Variants in TMC2 observed in about 807,000 individuals in gnomAD.
The protein encoded by TMC2 is transmembrane channel like 2.
TMC2 carries 102 observed loss-of-function variants against 105.9 expected under a neutral mutation model. The observed-to-expected ratio is 0.96, with a 90% CI of 0.82 to 1.14. The LOEUF (loss-of-function observed/expected upper bound fraction) is 1.14, where lower values mean the gene tolerates loss of function less well. TMC2 is among the 50% of genes most tolerant of loss of function. The pLI is 0.00. For missense variants in TMC2, 1,093 were observed against 1,134.3 expected, an observed-to-expected ratio of 0.96 and a Z score of 0.52; for synonymous variants, 402 against 422.8, an observed-to-expected ratio of 0.95 and a Z score of 0.60.
Position 2,641,480 on chromosome 20 carries a change from A to T in TMC2, c.*129A>T. 1.6e-6 allele frequency: 1 copy of T among 630,648 alleles called. No homozygotes were observed. The allele number at this position is 630,648 out of a possible 1,614,324, so 39.1% of individuals were successfully genotyped here. A position where few individuals can be genotyped will look rare whatever the true frequency, so the allele number is the denominator to read the frequency against. On this transcript the variant is annotated 3_prime_UTR_variant, in exon 20 of 20. Transcript: ENST00000358864. ...TGCTCTGTCTCCTCTCTTGGAATGCATGAACTTTGATTCCTTCAGGCCCTT... is the reference window on the plus strand; with the variant it reads ...TGCTCTGTCTCCTCTCTTGGAATGCTTGAACTTTGATTCCTTCAGGCCCTT...
chr20:2,589,206 G>C (rs766416152), intron 7 of TMC2, among the ~76,000 whole-genome samples: 2 of 150,292 alleles, frequency 1.3e-5, no homozygotes, highest in African/African-American at 2.5e-5. Flanking sequence ...TTTACTTTCT[G>C]AGTAAAATCT....
chr20:2,636,357 G>A (rs1022585), intron 18 of TMC2, among the ~76,000 whole-genome samples: 113,919 of 151,872 alleles, frequency 0.75, 42,882 homozygotes, highest in East Asian at 0.87. Flanking sequence ...TCAAAATCAC[G>A]TATTTCTTGT....
chr20:2,543,035 G>T (rs543029628), intron 2 of TMC2, among the ~76,000 whole-genome samples: 1,631 of 152,100 alleles, frequency 0.011, 25 homozygotes, highest in African/African-American at 0.037. Context: ...TCAGGAGTTT[G>T]AGACCAGCCT....
At chr20:2,634,571 A>T (rs762232366) in intron 17 of TMC2, among the ~76,000 whole-genome samples, 3 of 152,202 alleles carry the variant, frequency 2.0e-5, no homozygotes, top group Non-Finnish European at 4.4e-5. Context: ...CCAGACACCA[A>T]ACCTGACCCT....
At chr20:2,551,406 T>A (rs919468745) in intron 2 of TMC2, among the ~76,000 whole-genome samples, 4 of 151,918 alleles carry the variant, frequency 2.6e-5, no homozygotes, top group Non-Finnish European at 5.9e-5. Flanking sequence ...TGTGGGTTTT[T>A]TTTTTTAATT....
intron 3 of TMC2, among the ~76,000 whole-genome samples, chr20:2,560,231 G>A (rs1462377923): frequency 6.6e-6 from 1 of 151,312 alleles, no homozygotes; most frequent in Non-Finnish European, 1.5e-5. Context: ...AGACTCAAAG[G>A]CAGATATCAT....
At chr20:2,569,555 G>A (rs556247640) in intron 4 of TMC2, among the ~76,000 whole-genome samples, 2 of 152,188 alleles carry the variant, frequency 1.3e-5, no homozygotes, top group Admixed American at 6.5e-5. Context: ...TCAACTTAAC[G>A]ATGTTTTCAA....
rs764448789 is a variant in TMC2 at position 2,589,269 on chromosome 20, C to CGTGTGTGTGTGTGTGTGTGT, written c.835-3041_835-3040insGTGTGTGTGTGTGTGTGTGT. On this transcript the variant is annotated intron_variant, in intron 7 of 19. Coordinates refer to ENST00000358864, the MANE Select transcript of TMC2 (RefSeq NM_080751.3). ...TTTTTCCAGATATCTTCCTATTTGC[C>CGTGTGTGTGTGTGTGTGTGT]CTGTGTGTGTGTGTGTGTGTGTGTG... Among the ~76,000 whole-genome samples the CGTGTGTGTGTGTGTGTGTGT allele has an allele frequency of 1.8e-3, 154 of 84,700 alleles. 16 individuals are homozygous for CGTGTGTGTGTGTGTGTGTGT. Among genetic ancestry groups the CGTGTGTGTGTGTGTGTGTGT allele is most frequent in the East Asian group, 3.0e-3 (7 of 2,318 alleles). 55.6% of individuals were successfully genotyped at this position (84,700 alleles called of 152,430 possible).
At chr20:2,626,547 G>C (rs946251714) in intron 17 of TMC2, among the ~76,000 whole-genome samples, 1 of 152,200 alleles carries the variant, frequency 6.6e-6, no homozygotes, top group Non-Finnish European at 1.5e-5. Flanking sequence ...AAGAAATATA[G>C]ACTTATCTTT....
intron 17 of TMC2, among the ~76,000 whole-genome samples, chr20:2,634,365 C>T (rs769811281): frequency 1.3e-5 from 2 of 152,224 alleles, no homozygotes; most frequent in Non-Finnish European, 2.9e-5. Flanking sequence ...AGAATCCTTT[C>T]ATTTGTTCAT....
At chr20:2,596,639 A>G (rs1173000005) in intron 9 of TMC2, among the ~76,000 whole-genome samples, 3 of 151,854 alleles carry the variant, frequency 2.0e-5, no homozygotes, top group Non-Finnish European at 4.4e-5. Context: ...TTACCAAAAA[A>G]AAAAAAAAAA....
chr20:2,629,666 T>C (rs1482430010), intron 17 of TMC2, among the ~76,000 whole-genome samples: 3 of 152,136 alleles, frequency 2.0e-5, no homozygotes, highest in Admixed American at 6.5e-5. Context: ...AAGGGGCACA[T>C]TTGACAAACA....
intron 16 of TMC2, among the ~76,000 whole-genome samples, chr20:2,620,044 A>G (rs1475130992): frequency 6.6e-6 from 1 of 152,098 alleles, no homozygotes; most frequent in African/African-American, 2.4e-5. Context: ...GCACCACTGC[A>G]CTCCAGCCTG....
intron 10 of TMC2, among the ~76,000 whole-genome samples, chr20:2,598,558 G>A (rs953789279): frequency 1.3e-5 from 2 of 151,944 alleles, no homozygotes; most frequent in Non-Finnish European, 2.9e-5. Flanking sequence ...GGGATTACAG[G>A]TGCACATCAC....
rs2086639541 is a variant in TMC2, at chr20:2,635,949, C to CT, written c.2330_2331insT (p.Val778SerfsTer9). ...AGCTTGGCCATTTACTACCTGAACT[C>CT]AGTTTCCAAAAGCCTTTCCCGAGCT... On this transcript the variant is annotated frameshift_variant, in exon 18 of 20. Transcript: ENST00000358864. LOFTEE classifies it high-confidence loss of function. The CT allele has an allele frequency of 1.2e-6, 2 of 1,614,174 alleles. No individual in the cohort carries two copies. Among genetic ancestry groups the CT allele is most frequent in the Admixed American group, 3.3e-5 (2 of 60,026 alleles).
At chr20:2,582,919 G>T (rs2086205092) in intron 7 of TMC2, among the ~76,000 whole-genome samples, 2 of 152,164 alleles carry the variant, frequency 1.3e-5, no homozygotes, top group Admixed American at 6.5e-5. Context: ...CACAACCCAG[G>T]ATGTCTACGT....
At chr20:2,580,108 C>T (rs577845580) in intron 7 of TMC2, 52 bp downstream of exon 7, 17 of 1,119,064 alleles carry the variant, frequency 1.5e-5, no homozygotes, top group African/African-American at 9.4e-5. Context: ...TTATGACCAC[C>T]GTCATCAATT....
rs1450997732 is a variant in TMC2 at position 2,592,686 on chromosome 20, A to G, written c.933+278A>G. On this transcript the variant is annotated intron_variant, in intron 8 of 19. Transcript: ENST00000358864. The surrounding 1 kb of genome is among the most constrained non-coding windows in gnomAD (Gnocchi z 4.9). The stretch of plus-strand genomic sequence containing the variant: ...GGTCTCTGTAAGGTGATCTCACGGT[A>G]TGCTTTTCTTTCCTCATTCCCACAT... Among the ~76,000 whole-genome samples, 1 of 152,090 alleles carries G rather than the reference A, an allele frequency of 6.6e-6. No individual in the cohort carries two copies. Among genetic ancestry groups the G allele is most frequent in the Admixed American group, 6.6e-5 (1 of 15,260 alleles).
At chr20:2,607,263 T>C (rs1018536846) in intron 11 of TMC2, among the ~76,000 whole-genome samples, 2 of 152,192 alleles carry the variant, frequency 1.3e-5, no homozygotes, top group Non-Finnish European at 2.9e-5. Flanking sequence ...GTCTTCAAAA[T>C]ATATGGTGGC....
Sources: gnomAD v4.1 joint callset for allele counts (sites outside exome capture counted in the v4.1 genomes callset) on GRCh38, gnomAD v4.1.1 for gene constraint, Gnocchi (gnomAD v3.1) non-coding constraint, MANE v1.5 for transcripts, NCBI Gene and HGNC (gene_info 2026-07-23, HGNC 2026-07-21) for gene names.